Variants in DDX10 observed in about 807,000 individuals in gnomAD.
DDX10 encodes the protein DEAD-box helicase 10.
In DDX10, 74 loss-of-function variants were observed where a neutral mutation model predicts 104.3. That is an observed-to-expected ratio of 0.71 (90% CI 0.59 to 0.86). The LOEUF (loss-of-function observed/expected upper bound fraction) is 0.86. Ranked by LOEUF, DDX10 falls within the 40% of genes least tolerant of loss-of-function variation. The pLI, the probability that DDX10 is intolerant of heterozygous loss-of-function variation, is 0.00. For missense variants in DDX10, 952 were observed against 1,040.0 expected (o/e 0.92, Z 1.16); for synonymous variants, 351 against 353.4 (o/e 0.99, Z 0.08).
intron 13 of DDX10, among the ~76,000 whole-genome samples, chr11:108,806,508 A>G (rs1414895940): frequency 1.3e-5 from 2 of 152,212 alleles, no homozygotes; most frequent in African/African-American, 4.8e-5. Flanking sequence ...GAATGACAGT[A>G]ATCCATACAG....
intron 17 of DDX10, among the ~76,000 whole-genome samples, chr11:108,930,133 T>C (rs1037375444): frequency 1.3e-5 from 2 of 151,944 alleles, no homozygotes; most frequent in African/African-American, 4.8e-5. Context: ...CTCATTGCCC[T>C]CAAAATCCCT....
chr11:108,706,593 G>A lies in DDX10; in HGVS notation c.1224-146G>A, dbSNP rs113224089. 2,698 of 679,360 alleles carry A rather than the reference G, an allele frequency of 4.0e-3. 52 individuals carry two copies. In the African/African-American group the frequency reaches 0.043, roughly 11 times the overall value. The allele number at this position is 679,360 out of a possible 1,614,324, so 42.1% of individuals were successfully genotyped here. A position where few individuals can be genotyped will look rare whatever the true frequency, so the allele number is the denominator to read the frequency against. On this transcript the variant is annotated intron_variant, in intron 9 of 17. Transcript: ENST00000322536. ...ATGATATGAGGTGTTCAGAGCCCTA[G>A]TTTTCTGTTATCAGAGATTAAAAGC...
chr11:108,788,391 T>G (rs901812755), intron 13 of DDX10, among the ~76,000 whole-genome samples: 3 of 152,180 alleles, frequency 2.0e-5, no homozygotes, highest in Admixed American at 1.3e-4. Flanking sequence ...AGCTGGAGTT[T>G]TGCTCTTGCT....
chr11:108,883,582 A>G (rs1050409901), intron 16 of DDX10, among the ~76,000 whole-genome samples: 1 of 152,120 alleles, frequency 6.6e-6, no homozygotes, highest in Admixed American at 6.5e-5. Flanking sequence ...TAGAGTCTGC[A>G]TTCATCCTCA....
At chr11:108,899,549 G>A (rs1240779020) in intron 16 of DDX10, among the ~76,000 whole-genome samples, 2 of 151,282 alleles carry the variant, frequency 1.3e-5, no homozygotes, top group Non-Finnish European at 2.9e-5. Context: ...TAGAATACAA[G>A]GAAGTGCTTT....
At chr11:108,895,613 A>C (rs1863430636) in intron 16 of DDX10, among the ~76,000 whole-genome samples, 1 of 152,104 alleles carries the variant, frequency 6.6e-6, no homozygotes, top group Non-Finnish European at 1.5e-5. Flanking sequence ...TGTAACTAAT[A>C]ATACAAGTTT....
intron 16 of DDX10, among the ~76,000 whole-genome samples, chr11:108,853,897 T>C (rs1565299268): frequency 6.6e-6 from 1 of 152,240 alleles, no homozygotes; most frequent in Non-Finnish European, 1.5e-5. Flanking sequence ...AAAGAAGAGC[T>C]GACATGGCTT....
intron 12 of DDX10, among the ~76,000 whole-genome samples, chr11:108,720,839 C>T (rs908073748): frequency 6.6e-6 from 1 of 151,436 alleles, no homozygotes; most frequent in Non-Finnish European, 1.5e-5. Context: ...GTGATCCCCC[C>T]ACCTCAGCCT....
chr11:108,794,818 T>TTC (rs985048838), intron 13 of DDX10, among the ~76,000 whole-genome samples: 10 of 151,830 alleles, frequency 6.6e-5, no homozygotes, highest in East Asian at 1.9e-4. Context: ...CTATAGTTTT[T>TTC]TCTCTCTCTC....
chr11:108,829,019 T>G (rs375391177), intron 13 of DDX10, among the ~76,000 whole-genome samples: 2 of 152,228 alleles, frequency 1.3e-5, no homozygotes, highest in African/African-American at 4.8e-5. Flanking sequence ...TGGTTCCATA[T>G]TTTTGCAGTT....
chr11:108,803,972 A>C (rs1230563996), intron 13 of DDX10, among the ~76,000 whole-genome samples: 1 of 152,166 alleles, frequency 6.6e-6, no homozygotes, highest in Non-Finnish European at 1.5e-5. Flanking sequence ...AGAGTAAGGC[A>C]CTGCTGATTA....
At chr11:108,874,301 G>T (rs1863121508) in intron 16 of DDX10, among the ~76,000 whole-genome samples, 1 of 152,166 alleles carries the variant, frequency 6.6e-6, no homozygotes, top group Non-Finnish European at 1.5e-5. Context: ...GCCCCCTCAT[G>T]AGGGAAGTGT....
At position 108,918,014 on chromosome 11, in the gene DDX10, A is replaced by G. The variant is rs1863774847; in HGVS notation, c.2446A>G (p.Ile816Val). 1 of 1,613,608 alleles carries G rather than the reference A, an allele frequency of 6.2e-7. No individual in the cohort carries two copies. Among genetic ancestry groups the G allele is most frequent in the Non-Finnish European group, 8.5e-7 (1 of 1,179,666 alleles). Reference sequence around the variant, plus strand: ...AGATAGTGAAGATATGGAAAATAAAATAAGGTATGTTTTTACTATGGGTAT... The same window carrying G: ...AGATAGTGAAGATATGGAAAATAAAGTAAGGTATGTTTTTACTATGGGTAT... ...DSDSEDMENKISDTKKKQGMK... is the reference protein window; with the variant it reads ...DSDSEDMENKVSDTKKKQGMK... The change falls in exon 17 of 18, where the codon ATA becomes GTA. Residue 816 changes from isoleucine to valine, a missense_variant. Coordinates refer to ENST00000322536, the MANE Select transcript of DDX10 (RefSeq NM_004398.4).
chr11:108,687,604 C>G (rs2094246208), intron 6 of DDX10, among the ~76,000 whole-genome samples: 1 of 152,092 alleles, frequency 6.6e-6, no homozygotes, highest in South Asian at 2.1e-4. Flanking sequence ...TTTTTGGCCT[C>G]CTTCCCCCTT....
intron 5 of DDX10, among the ~76,000 whole-genome samples, chr11:108,679,000 A>G (rs2094230522): frequency 1.3e-5 from 2 of 150,362 alleles, no homozygotes; most frequent in Non-Finnish European, 2.9e-5. Context: ...CTGGGACTAC[A>G]GGTGTGCACC....
At chr11:108,938,971 G>C (rs2134681591) in intron 17 of DDX10, among the ~76,000 whole-genome samples, 1 of 152,266 alleles carries the variant, frequency 6.6e-6, no homozygotes, top group South Asian at 2.1e-4. Context: ...ATATTTCTGT[G>C]ATTTTTTTAT....
At chr11:108,676,168 G>T (rs1340785898) in intron 3 of DDX10, among the ~76,000 whole-genome samples, 3 of 152,202 alleles carry the variant, frequency 2.0e-5, no homozygotes, top group Admixed American at 6.5e-5. Flanking sequence ...CATTTGTTGA[G>T]AATTTTCTGG....
chr11:108,681,201 C>T (rs1278785763), intron 6 of DDX10, among the ~76,000 whole-genome samples: 1 of 151,672 alleles, frequency 6.6e-6, no homozygotes, highest in East Asian at 1.9e-4. Flanking sequence ...ATTTCCTATC[C>T]CCAATTTCTG....
chr11:108,679,585 G>A, intron 6 of DDX10, 25 bp downstream of exon 6: 1 of 1,497,678 alleles, frequency 6.7e-7, no homozygotes, highest in Non-Finnish European at 9.0e-7. Context: ...AGTCAATCAA[G>A]ATAAATGTTT....
Sources: allele counts gnomAD v4.1 joint callset (sites outside exome capture counted in the v4.1 genomes callset), GRCh38; gene constraint gnomAD v4.1.1; transcripts MANE v1.5; gene names NCBI Gene and HGNC (gene_info 2026-07-23, HGNC 2026-07-21).